Variants in IMPG2 observed in about 807,000 individuals in gnomAD.
IMPG2 encodes the protein IPM 200.
A neutral mutation model predicts 129.2 loss-of-function variants in IMPG2; 91 were observed. That is an observed-to-expected ratio of 0.70 (90% CI 0.59 to 0.84). The LOEUF (loss-of-function observed/expected upper bound fraction) is 0.84. Ranked by LOEUF, IMPG2 falls within the 40% of genes least tolerant of loss-of-function variation. The pLI, the probability that IMPG2 is intolerant of heterozygous loss-of-function variation, is 0.00. For missense variants in IMPG2, 1,430 were observed against 1,461.7 expected, an observed-to-expected ratio of 0.98 and a Z score of 0.35; for synonymous variants, 510 against 517.7, an observed-to-expected ratio of 0.99 and a Z score of 0.20.
At chr3:101,300,650 C>T (rs1707130930) in intron 3 of IMPG2, among the ~76,000 whole-genome samples, 1 of 152,228 alleles carries the variant, frequency 6.6e-6, no homozygotes, top group Non-Finnish European at 1.5e-5. Context: ...CCACACTGCT[C>T]TTCCTTCCTC....
rs200547241 is a variant in IMPG2, at chr3:101,257,802, G to T, written c.909-29C>A. 140 of 1,611,888 alleles carry T rather than the reference G, an allele frequency of 8.7e-5. No individual in the cohort carries two copies. The Admixed American group carries it at 2.2e-3, about 25-fold the overall frequency. ...TGGATGGAAAGAGAGAACAGGTTAG[G>T]TTCAGCTAAGGAAGCACAAAGAAAG... On this transcript the variant is annotated intron_variant, in intron 9 of 18. Transcript: ENST00000193391.
At chr3:101,312,922 C>T (rs535966775) in intron 2 of IMPG2, among the ~76,000 whole-genome samples, 2 of 151,994 alleles carry the variant, frequency 1.3e-5, no homozygotes, top group East Asian at 3.9e-4. Flanking sequence ...TTACTTAGGC[C>T]TGGGAAGAGG....
intron 16 of IMPG2, among the ~76,000 whole-genome samples, chr3:101,230,482 C>T (rs371212082): frequency 6.6e-6 from 1 of 152,204 alleles, no homozygotes; most frequent in Non-Finnish European, 1.5e-5. Context: ...GGGAAATTCA[C>T]CTCTTCTATC....
At chr3:101,317,904 C>G (rs1210505168) in intron 2 of IMPG2, among the ~76,000 whole-genome samples, 1 of 151,654 alleles carries the variant, frequency 6.6e-6, no homozygotes, top group Non-Finnish European at 1.5e-5. Flanking sequence ...CCCAAAATAC[C>G]AAGATATTCT....
At chr3:101,286,921 C>G (rs1282074903) in intron 4 of IMPG2, among the ~76,000 whole-genome samples, 1 of 152,200 alleles carries the variant, frequency 6.6e-6, no homozygotes, top group Admixed American at 6.5e-5. Context: ...AATTAACAGA[C>G]TTTCATTCAT....
chr3:101,264,936 C>T (rs1706707012), intron 9 of IMPG2, among the ~76,000 whole-genome samples: 1 of 151,614 alleles, frequency 6.6e-6, no homozygotes, highest in African/African-American at 2.4e-5. Context: ...AAAGGCAATC[C>T]CATTTACAAT....
intron 14 of IMPG2, among the ~76,000 whole-genome samples, chr3:101,239,042 C>T (rs1235273032): frequency 4.0e-5 from 6 of 151,740 alleles, no homozygotes; most frequent in Non-Finnish European, 8.8e-5. Flanking sequence ...AAGCAAACAC[C>T]AAACACCAAA....
intron 15 of IMPG2, 114 bp downstream of exon 15, chr3:101,232,667 A>T (rs1301324958): frequency 1.2e-6 from 1 of 853,490 alleles, no homozygotes; most frequent in African/African-American, 1.7e-5. Flanking sequence ...TTGCCTAGAT[A>T]TAACTTCTAT....
chr3:101,264,668 T>G (rs1422764228), intron 9 of IMPG2, among the ~76,000 whole-genome samples: 1 of 152,130 alleles, frequency 6.6e-6, no homozygotes, highest in African/African-American at 2.4e-5. Flanking sequence ...TTACCACTCC[T>G]GTTCAGCATA....
intron 4 of IMPG2, among the ~76,000 whole-genome samples, chr3:101,283,341 T>TA (rs1305830974): frequency 5.9e-5 from 9 of 152,200 alleles, no homozygotes; most frequent in African/African-American, 2.2e-4. Flanking sequence ...TTCCTTTTTT[T>TA]AAAAAATGTA....
intron 15 of IMPG2, among the ~76,000 whole-genome samples, chr3:101,232,245 AT>A (rs971904627): frequency 9.6e-5 from 14 of 146,470 alleles, no homozygotes; most frequent in African/African-American, 2.3e-4. Flanking sequence ...TTTATTTTTT[AT>A]TTTTTTTTGA....
chr3:101,233,865 G>C (rs547510720), intron 14 of IMPG2, among the ~76,000 whole-genome samples: 45 of 152,224 alleles, frequency 3.0e-4, no homozygotes, highest in African/African-American at 1.0e-3. Flanking sequence ...TAGCTAGAAG[G>C]CTATAGGGAA....
intron 4 of IMPG2, among the ~76,000 whole-genome samples, chr3:101,289,157 G>A (rs545015138): frequency 6.6e-6 from 1 of 152,224 alleles, no homozygotes; most frequent in East Asian, 1.9e-4. Flanking sequence ...TTTTCAAGAA[G>A]AGTCAGGCTT....
chr3:101,246,268 C>T (rs764333785), intron 11 of IMPG2, among the ~76,000 whole-genome samples, 163 bp from the exon 12 acceptor site: 7 of 152,136 alleles, frequency 4.6e-5, no homozygotes, highest in Non-Finnish European at 8.8e-5. Context: ...CAGAATCAAA[C>T]AGATTTATAG....
chr3:101,296,210 T>C (rs1166284787), intron 3 of IMPG2, among the ~76,000 whole-genome samples: 1 of 152,222 alleles, frequency 6.6e-6, no homozygotes, highest in African/African-American at 2.4e-5. Context: ...TTGTCATAAA[T>C]AGCTCTTATT....
intron 11 of IMPG2, among the ~76,000 whole-genome samples, chr3:101,247,335 C>A (rs369037385): frequency 1.3e-4 from 19 of 151,988 alleles, no homozygotes; most frequent in African/African-American, 9.7e-5. Context: ...TGGTGGCTCA[C>A]GCCTGTAATC....
Position 101,319,641 on chromosome 3 carries a change from G to T in IMPG2, c.277C>A (p.Pro93Thr), listed in dbSNP as rs757163692. The T allele has an allele frequency of 8.7e-6, 14 of 1,613,426 alleles. No individual in the cohort carries two copies. Among genetic ancestry groups the T allele is most frequent in the Non-Finnish European group, 8.5e-7 (1 of 1,179,788 alleles). Residue 93 changes from proline to threonine, a missense_variant, in exon 2 of 19, where the codon CCA becomes ACA. Coordinates refer to ENST00000193391, the MANE Select transcript of IMPG2 (RefSeq NM_016247.4). ...ILFPNGVKIC[P>T]DESVAEAVAN... ...ACAGCCTCTGCAACACTTTCATCTG[G>T]GCAGATTTTCACTCCATTAGGAAAC...
chr3:101,257,091 CT>C (rs1347316559), intron 10 of IMPG2, among the ~76,000 whole-genome samples: 6 of 152,066 alleles, frequency 3.9e-5, no homozygotes, highest in African/African-American at 1.4e-4. Flanking sequence ...ACCATTATCA[CT>C]TCTTCTTTGA....
chr3:101,267,255 T>C (rs1423567219), intron 9 of IMPG2, among the ~76,000 whole-genome samples: 3 of 152,230 alleles, frequency 2.0e-5, no homozygotes, highest in Non-Finnish European at 2.9e-5. Context: ...GTTTACAATA[T>C]ATTGTCTATG....
Sources: allele counts gnomAD v4.1 joint callset (sites outside exome capture counted in the v4.1 genomes callset), GRCh38; gene constraint gnomAD v4.1.1; transcripts MANE v1.5; gene names NCBI Gene and HGNC (gene_info 2026-07-23, HGNC 2026-07-21).